The following PPP4R4 variants were observed in gnomAD, a reference collection of about 807,000 sequenced individuals.
PPP4R4 encodes protein phosphatase 4 regulatory subunit 4.
A neutral mutation model predicts 121.8 loss-of-function variants in PPP4R4; 70 were observed. The ratio of observed to expected loss-of-function variants is 0.57; its 90% CI spans 0.47 to 0.70. PPP4R4 has a LOEUF of 0.70. PPP4R4 is among the 30% of genes least tolerant of loss of function. PPP4R4 has a pLI of 0.00. For synonymous variants in PPP4R4, 348 were observed against 355.7 expected, an observed-to-expected ratio of 0.98 and a Z score of 0.24; for missense variants, 875 against 1,033.6, an observed-to-expected ratio of 0.85 and a Z score of 2.10.
At chr14:94,175,414 C>A in intron 1 of PPP4R4, 1 of 153,100 alleles carries the variant, frequency 6.5e-6, no homozygotes, top group Non-Finnish European at 1.5e-5. Flanking sequence ...CCCCTACTGG[C>A]TCTCCCACCC....
chr14:94,225,359 T>C (rs1447429682), intron 3 of PPP4R4, among the ~76,000 whole-genome samples: 1 of 151,766 alleles, frequency 6.6e-6, no homozygotes, highest in Non-Finnish European at 1.5e-5. Flanking sequence ...GGCCTGGGGG[T>C]GTTTGCTGAT....
chr14:94,207,690 A>ATATATC (rs1567114883), intron 2 of PPP4R4, among the ~76,000 whole-genome samples: 1 of 151,604 alleles, frequency 6.6e-6, no homozygotes, highest in Admixed American at 6.6e-5. Flanking sequence ...TTTTTGATAT[A>ATATATC]TATATCTATA....
intron 2 of PPP4R4, among the ~76,000 whole-genome samples, chr14:94,199,396 G>A (rs770125647): frequency 6.6e-6 from 1 of 152,214 alleles, no homozygotes; most frequent in Non-Finnish European, 1.5e-5. Flanking sequence ...GTGTCTAGAG[G>A]TAGATGTTTA....
intron 17 of PPP4R4, 151 bp downstream of exon 17, chr14:94,256,755 T>TGG: frequency 2.1e-6 from 2 of 932,012 alleles, no homozygotes; most frequent in Admixed American, 3.2e-5. Context: ...TTGGTTGATA[T>TGG]GTGCTACAAC....
chr14:94,249,304 A>G (rs1171161292), intron 14 of PPP4R4, among the ~76,000 whole-genome samples: 4 of 151,922 alleles, frequency 2.6e-5, no homozygotes, highest in Non-Finnish European at 2.9e-5. Flanking sequence ...TTTACATTCA[A>G]CAGATTAAAA....
At chr14:94,276,643 G>A (rs550203832) in intron 24 of PPP4R4, among the ~76,000 whole-genome samples, 1 of 99,944 alleles carries the variant, frequency 1.0e-5, no homozygotes, top group East Asian at 3.5e-4. Flanking sequence ...AGCCGTGAGG[G>A]ATCAGCCCCA....
At chr14:94,251,640 C>A in intron 15 of PPP4R4, 109 bp from the exon 16 acceptor site, 1 of 828,718 alleles carries the variant, frequency 1.2e-6, no homozygotes, top group Non-Finnish European at 1.8e-6. Flanking sequence ...ATTTGCTAGC[C>A]AAATTGTGGG....
intron 19 of PPP4R4, among the ~76,000 whole-genome samples, chr14:94,263,834 G>A (rs535835395): frequency 2.0e-5 from 3 of 152,206 alleles, no homozygotes; most frequent in African/African-American, 7.2e-5. Flanking sequence ...ATTTTTTTAT[G>A]TAGTCCACTT....
chr14:94,259,342 AAG>A lies in PPP4R4; in HGVS notation c.2104_2105del (p.Glu702ArgfsTer18). The A allele has an allele frequency of 6.2e-7, 1 of 1,611,308 alleles. No homozygotes were observed. Among genetic ancestry groups the A allele is most frequent in the South Asian group, 1.1e-5 (1 of 90,690 alleles). On this transcript the variant is annotated frameshift_variant, in exon 19 of 25. Transcript: ENST00000304338. LOFTEE classifies it high-confidence loss of function. ...AAGATTTGTTGGATCAAGAGAAAGAAAGAGAAGAACTACTTCTTTTGGAAATG... is the reference window on the plus strand; with the variant it reads ...AAGATTTGTTGGATCAAGAGAAAGAAAGAAGAACTACTTCTTTTGGAAATG... ...EKDLLDQEKE[R>X]EELLLLEMEQ...
intron 2 of PPP4R4, among the ~76,000 whole-genome samples, chr14:94,201,779 G>C (rs1354700702): frequency 1.3e-5 from 2 of 151,998 alleles, no homozygotes; most frequent in Non-Finnish European, 2.9e-5. Context: ...CTGTGATTCT[G>C]TACCTACTAG....
At chr14:94,236,934 C>G (rs906090581) in intron 7 of PPP4R4, among the ~76,000 whole-genome samples, 1 of 152,172 alleles carries the variant, frequency 6.6e-6, no homozygotes, top group Non-Finnish European at 1.5e-5. Context: ...TCACAAGGCT[C>G]TCCTTGATCA....
At chr14:94,230,480 TA>T in intron 3 of PPP4R4, 106 bp from the exon 4 acceptor site, 1 of 1,043,628 alleles carries the variant, frequency 9.6e-7, no homozygotes, top group Admixed American at 2.7e-5. Context: ...TCATATGTCT[TA>T]ATTTTGTGGA....
chr14:94,199,472 G>A (rs1890051348), intron 2 of PPP4R4, among the ~76,000 whole-genome samples: 1 of 152,190 alleles, frequency 6.6e-6, no homozygotes, highest in South Asian at 2.1e-4. Flanking sequence ...TCCGTAGGCG[G>A]CTTGTGTTAG....
intron 3 of PPP4R4, among the ~76,000 whole-genome samples, chr14:94,223,599 T>G (rs1377494920): frequency 6.6e-6 from 1 of 152,176 alleles, no homozygotes; most frequent in Non-Finnish European, 1.5e-5. Context: ...ACATGCTCAC[T>G]TTTCTGGATA....
rs1371428569 is a variant in PPP4R4 at position 94,245,352 on chromosome 14, T to C, written c.1345-235T>C. Reference sequence around the variant, plus strand: ...GTAGCTGTCTCAGATTTAGACTATTTGGACAATGTCAAGAGGCAGGTACAC... The same window carrying C: ...GTAGCTGTCTCAGATTTAGACTATTCGGACAATGTCAAGAGGCAGGTACAC... On this transcript the variant is annotated intron_variant, in intron 12 of 24. Coordinates refer to ENST00000304338, the MANE Select transcript of PPP4R4 (RefSeq NM_058237.2). 3.9e-5 allele frequency among the ~76,000 whole-genome samples: 6 copies of C among 152,140 alleles called. No individual in the cohort carries two copies. In the East Asian group the frequency reaches 1.2e-3, roughly 29 times the overall value.
chr14:94,256,526 A>C lies in PPP4R4; in HGVS notation c.1932A>C (p.Leu644=). The stretch of plus-strand genomic sequence containing the variant: ...TGAAGATTCCTGCTGATAAGCATCT[A>C]CTTCAGCAGTTAGAAATGTGTGTGA... The part of the protein sequence containing the change: ...STLKIPADKH[L]LQQLEMCVRK... Residue 644 remains leucine (L), a synonymous_variant, in exon 17 of 25, where the codon CTA becomes CTC. Coordinates refer to ENST00000304338, the MANE Select transcript of PPP4R4 (RefSeq NM_058237.2). 1 of 1,600,706 alleles carries C rather than the reference A, an allele frequency of 6.2e-7. No homozygotes were observed. The highest frequency in any genetic ancestry group is 8.6e-7 in the Non-Finnish European group (1 of 1,168,480).
intron 3 of PPP4R4, among the ~76,000 whole-genome samples, chr14:94,213,170 G>A (rs764317701): frequency 2.6e-5 from 4 of 152,182 alleles, no homozygotes; most frequent in Non-Finnish European, 4.4e-5. Context: ...CACAAAGCTT[G>A]CAAGTGGTAT....
chr14:94,187,623 T>C (rs1166627061), intron 2 of PPP4R4, among the ~76,000 whole-genome samples: 8 of 151,494 alleles, frequency 5.3e-5, no homozygotes, highest in Non-Finnish European at 1.2e-4. Context: ...ATTTCACTAG[T>C]TTTTTCACTT....
At chr14:94,263,140 A>C (rs1025078620) in intron 19 of PPP4R4, among the ~76,000 whole-genome samples, 3 of 152,102 alleles carry the variant, frequency 2.0e-5, no homozygotes, top group Non-Finnish European at 2.9e-5. Context: ...ATCTTACTGA[A>C]CCTGTAAATG....
Sources: allele counts gnomAD v4.1 joint callset (sites outside exome capture counted in the v4.1 genomes callset), GRCh38; gene constraint gnomAD v4.1.1; transcripts MANE v1.5; gene names NCBI Gene and HGNC (gene_info 2026-07-23, HGNC 2026-07-21).